SYDE1: variants seen among roughly 807,000 people sequenced by gnomAD.
SYDE1 encodes synapse defective Rho GTPase activating protein 1, also known as rho GTPase-activating protein SYDE1.
SYDE1 carries 34 observed loss-of-function variants against 63.3 expected under a neutral mutation model. The ratio of observed to expected loss-of-function variants is 0.54; its 90% CI spans 0.41 to 0.71. The LOEUF is 0.71. SYDE1 is among the 30% of genes least tolerant of loss of function. The pLI is 0.00. For synonymous variants in SYDE1, 467 were observed against 473.4 expected, an observed-to-expected ratio of 0.99 and a Z score of 0.18; for missense variants, 925 against 1,042.5, an observed-to-expected ratio of 0.89 and a Z score of 1.55.
At position 15,114,870 on chromosome 19, in the gene SYDE1, C is replaced by T; in HGVS notation, c.*907C>T. On this transcript the variant is annotated 3_prime_UTR_variant, in exon 8 of 8. Coordinates refer to ENST00000342784, the MANE Select transcript of SYDE1 (RefSeq NM_033025.6). ...CACCCTGAAATCCCCAATAATGGTG[C>T]CTCAGTGGGCCCCAGAGTTCCAGTG... 3.1e-6 allele frequency: 1 copy of T among 318,876 alleles called. No homozygotes were observed. The highest frequency in any genetic ancestry group is 6.1e-6 in the Non-Finnish European group (1 of 164,642). The allele number at this position is 318,876 out of a possible 1,614,324, so 19.8% of individuals were successfully genotyped here. A position where few individuals can be genotyped will look rare whatever the true frequency, so the allele number is the denominator to read the frequency against.
chr19:15,109,405 C>T lies in SYDE1; in HGVS notation c.430+8C>T, dbSNP rs1442967989. 6.5e-7 allele frequency: 1 copy of T among 1,530,788 alleles called. No homozygotes were observed. Among genetic ancestry groups the T allele is most frequent in the Admixed American group, 2.1e-5 (1 of 46,930 alleles). The allele number at this position is 1,530,788 out of a possible 1,614,324, so 94.8% of individuals were successfully genotyped here. ...AGGGCCTGGCCCCCCAAGGTAAGAACAAGCTTCCCATCCCCTTCCCCAAGG... is the reference window on the plus strand; with the variant it reads ...AGGGCCTGGCCCCCCAAGGTAAGAATAAGCTTCCCATCCCCTTCCCCAAGG... On this transcript the variant is annotated splice_region_variant and intron_variant, in intron 2 of 7. Coordinates refer to ENST00000342784, the MANE Select transcript of SYDE1 (RefSeq NM_033025.6). This position sits in a 1 kb window ranked among gnomAD's most constrained non-coding sequence, Gnocchi z 5.0.
rs761003994 is a variant in SYDE1 at position 15,111,627 on chromosome 19, C to G, written c.1418-5C>G. ...CCCTGACCAGAGGGGACCCTGTGTT[C>G]ACAGGCATCCTCAAGGATTATCTTC... is the stretch of plus-strand genomic sequence containing the variant. On this transcript the variant is annotated splice_region_variant and splice_polypyrimidine_tract_variant and intron_variant, in intron 5 of 7. Coordinates refer to ENST00000342784, the MANE Select transcript of SYDE1 (RefSeq NM_033025.6). This position sits in a 1 kb window ranked among gnomAD's most constrained non-coding sequence, Gnocchi z 5.5. 6 of 1,613,758 alleles carry G rather than the reference C, an allele frequency of 3.7e-6. No individual in the cohort carries two copies. The highest frequency in any genetic ancestry group is 5.1e-6 in the Non-Finnish European group (6 of 1,179,938).
chr19:15,113,263 C>T (rs932083054), intron 7 of SYDE1, among the ~76,000 whole-genome samples: 2 of 152,188 alleles, frequency 1.3e-5, no homozygotes, highest in Admixed American at 6.5e-5. Flanking sequence ...TGGTCTTGAA[C>T]TCCTGACCTC....
Position 15,114,040 on chromosome 19 carries a change from A to G in SYDE1, c.*77A>G. The G allele has an allele frequency of 6.9e-7, 1 of 1,451,248 alleles. No homozygotes were observed. Among genetic ancestry groups the G allele is most frequent in the South Asian group, 1.3e-5 (1 of 76,850 alleles). 89.9% of individuals were successfully genotyped at this position (1,451,248 alleles called of 1,614,324 possible). A position where few individuals can be genotyped will look rare whatever the true frequency, so the allele number is the denominator to read the frequency against. On this transcript the variant is annotated 3_prime_UTR_variant, in exon 8 of 8. Transcript: ENST00000342784. ...TAAGGCGGTGCCCTGGTGACCAAGGAGAGCCAGACCTGTTGCTCAGGCCGA... is the reference window on the plus strand; with the variant it reads ...TAAGGCGGTGCCCTGGTGACCAAGGGGAGCCAGACCTGTTGCTCAGGCCGA...
In SYDE1 at chr19:15,108,997, G is replaced by T; in HGVS notation, c.89-59G>T. 6.9e-7 allele frequency: 1 copy of T among 1,441,364 alleles called. No individual in the cohort carries two copies. The highest frequency in any genetic ancestry group is 1.5e-5 in the South Asian group (1 of 67,910). 89.3% of individuals were successfully genotyped at this position (1,441,364 alleles called of 1,614,324 possible). A position where few individuals can be genotyped will look rare whatever the true frequency, so the allele number is the denominator to read the frequency against. On this transcript the variant is annotated intron_variant, in intron 1 of 7. Transcript: ENST00000342784. This position sits in a 1 kb window ranked among gnomAD's most constrained non-coding sequence, Gnocchi z 4.3. Reference sequence around the variant, plus strand: ...ATCCCACCCACTGATCAATTGCACAGGGCTGCTCTGCAGGCAGTGAGGGGC... The same window carrying T: ...ATCCCACCCACTGATCAATTGCACATGGCTGCTCTGCAGGCAGTGAGGGGC...
chr19:15,113,798 T>C lies in SYDE1; in HGVS notation c.2043T>C (p.Ser681=), dbSNP rs771004641. ...CAGACTACGACCACGTGACGGGCAG[T>C]GACAGCGAGGACGAGGACGAGGAGG... ...SGPDYDHVTG[S]DSEDEDEEVG... Residue 681 remains serine (S), a synonymous_variant, in exon 8 of 8, where the codon AGT becomes AGC. Transcript: ENST00000342784. 3.2e-5 allele frequency: 52 copies of C among 1,613,970 alleles called. No individual in the cohort carries two copies. The highest frequency in any genetic ancestry group is 4.3e-5 in the Non-Finnish European group (51 of 1,180,048).
At position 15,109,060 on chromosome 19, in the gene SYDE1, C is replaced by T. The variant is rs754168160; in HGVS notation, c.93C>T (p.His31=). The T allele has an allele frequency of 1.0e-5, 15 of 1,489,468 alleles. No individual in the cohort carries two copies. The South Asian group carries it at 1.7e-4, about 17-fold the overall frequency. 92.3% of individuals were successfully genotyped at this position (1,489,468 alleles called of 1,614,324 possible). Residue 31 remains histidine (H), a synonymous_variant, in exon 2 of 8, where the codon CAC becomes CAT. Coordinates refer to ENST00000342784, the MANE Select transcript of SYDE1 (RefSeq NM_033025.6). This position sits in a 1 kb window ranked among gnomAD's most constrained non-coding sequence, Gnocchi z 5.0. ...RKKSDAKERG[H]PAQRPEPSPP... ...ACTCCCCTTGCTCTCTGCCAGGCCA[C>T]CCAGCCCAGCGCCCAGAGCCCAGCC...
In SYDE1 at chr19:15,113,915, C is replaced by G; in HGVS notation, c.2160C>G (p.Ile720Met). ...ATCTCAAAGACTTCGACGCCCTCATCCTGGATCTGGAGAGAGAGCTCTCCA... is the reference window on the plus strand; with the variant it reads ...ATCTCAAAGACTTCGACGCCCTCATGCTGGATCTGGAGAGAGAGCTCTCCA... ...HLNLKDFDAL[I>M]LDLERELSKQ... The change falls in exon 8 of 8, where the codon ATC (isoleucine) becomes ATG (methionine). Residue 720 changes from isoleucine to methionine, a missense_variant. Ile to Met is a conservative substitution (Grantham distance 10, BLOSUM62 1). Transcript: ENST00000342784. 1 of 1,614,082 alleles carries G rather than the reference C, an allele frequency of 6.2e-7. No homozygotes were observed. The highest frequency in any genetic ancestry group is 1.1e-5 in the South Asian group (1 of 91,086).
At position 15,110,877 on chromosome 19, in the gene SYDE1, C is replaced by T. The variant is rs1051434165; in HGVS notation, c.1290+142C>T. The T allele has an allele frequency of 3.9e-5, 29 of 743,504 alleles. No homozygotes were observed. The highest frequency in any genetic ancestry group is 3.7e-4 in the African/African-American group (21 of 56,598). 46.1% of individuals were successfully genotyped at this position (743,504 alleles called of 1,614,324 possible). ...TCCCAACCTAGACAAGGGCAGAAGG[C>T]GCCCCCTTGACTGTAGCACCCTGGG... On this transcript the variant is annotated intron_variant, in intron 4 of 7. Coordinates refer to ENST00000342784, the MANE Select transcript of SYDE1 (RefSeq NM_033025.6). The surrounding 1 kb of genome is among the most constrained non-coding windows in gnomAD (Gnocchi z 6.9).
Position 15,109,841 on chromosome 19 carries a change from G to A in SYDE1, c.568G>A (p.Glu190Lys). 1.3e-6 allele frequency: 2 copies of A among 1,532,356 alleles called. No individual in the cohort carries two copies. Among genetic ancestry groups the A allele is most frequent in the Admixed American group, 2.0e-5 (1 of 50,828 alleles). The allele number at this position is 1,532,356 out of a possible 1,614,324, so 94.9% of individuals were successfully genotyped here. ...LSLRGPRAGR[E>K]RERAAPAGSV... ...CCTGCGAGGCCCCCGGGCTGGCAGG[G>A]AGCGCGAGAGGGCTGCCCCTGCGGG... is the stretch of plus-strand genomic sequence containing the variant. The change falls in exon 3 of 8, where the codon GAG (glutamate) becomes AAG (lysine). Residue 190 changes from glutamate (E) to lysine (K), a missense_variant. Around this residue, in one of 3 missense-constraint regions of SYDE1, gnomAD observed 599 missense variants for 653.7 expected, o/e 0.92. Coordinates refer to ENST00000342784, the MANE Select transcript of SYDE1 (RefSeq NM_033025.6). The surrounding 1 kb of genome is among the most constrained non-coding windows in gnomAD (Gnocchi z 5.0).
At chr19:15,112,224 G>T (rs1376060307) in intron 6 of SYDE1, 122 bp from the exon 7 acceptor site, 2 of 654,584 alleles carry the variant, frequency 3.1e-6, no homozygotes, top group Non-Finnish European at 5.3e-6. Flanking sequence ...GTCTTAACCC[G>T]ACCACATCCC....
At position 15,107,403 on chromosome 19, in the gene SYDE1, G is replaced by T. The variant is rs2046313488; in HGVS notation, c.-31G>T. 9.7e-7 allele frequency: 1 copy of T among 1,033,316 alleles called. No individual in the cohort carries two copies. Among genetic ancestry groups the T allele is most frequent in the Non-Finnish European group, 1.2e-6 (1 of 839,178 alleles). 64.0% of individuals were successfully genotyped at this position (1,033,316 alleles called of 1,614,324 possible). A position where few individuals can be genotyped will look rare whatever the true frequency, so the allele number is the denominator to read the frequency against. On this transcript the variant is annotated 5_prime_UTR_variant, in exon 1 of 8. Coordinates refer to ENST00000342784, the MANE Select transcript of SYDE1 (RefSeq NM_033025.6). ...GCGGCGCGGCCGGAGCCCGGGGCGC[G>T]CACTCGGCTCGGCCCGGCCCGGGCC...
chr19:15,109,148 C>A lies in SYDE1; in HGVS notation c.181C>A (p.Pro61Thr). The change falls in exon 2 of 8, where the codon CCC (proline) becomes ACC (threonine). Residue 61 changes from proline (P) to threonine (T), a missense_variant. Physicochemically the swap from Pro to Thr is conservative, Grantham distance 38 (BLOSUM62 -1). This residue lies in a region of SYDE1 where 599 missense variants were observed against 653.7 expected (regional missense o/e 0.92). Transcript: ENST00000342784. The surrounding 1 kb of genome is among the most constrained non-coding windows in gnomAD (Gnocchi z 5.0). Reference sequence around the variant, plus strand: ...GGCCGGAGCAGAGGGGCCCTCCAGCCCCGAGGCATCAAGGAGCCCTGCACG... The same window carrying A: ...GGCCGGAGCAGAGGGGCCCTCCAGCACCGAGGCATCAAGGAGCCCTGCACG... ...SQAGAEGPSS[P>T]EASRSPARGA... 1 of 1,551,742 alleles carries A rather than the reference C, an allele frequency of 6.4e-7. No individual in the cohort carries two copies. The highest frequency in any genetic ancestry group is 1.2e-5 in the South Asian group (1 of 84,110).
rs1281291074 is a variant in SYDE1, at chr19:15,109,761, C to G, written c.488C>G (p.Ala163Gly). 7 of 1,538,230 alleles carry G rather than the reference C, an allele frequency of 4.6e-6. No individual in the cohort carries two copies. The highest frequency in any genetic ancestry group is 6.1e-6 in the Non-Finnish European group (7 of 1,144,318). Residue 163 changes from alanine (A) to glycine (G), a missense_variant, in exon 3 of 8, where the codon GCC (alanine) becomes GGC (glycine). By Grantham distance (60) the Ala-to-Gly change is moderately conservative. Transcript: ENST00000342784. The surrounding 1 kb of genome is among the most constrained non-coding windows in gnomAD (Gnocchi z 5.0). ...KASRTKSPGP[A>G]RRLSIKMKKL... is the part of the protein sequence containing the mutation. Reference sequence around the variant, plus strand: ...TCCCGCACCAAGTCCCCGGGCCCCGCCAGGCGCCTCTCCATAAAGATGAAG... The same window carrying G: ...TCCCGCACCAAGTCCCCGGGCCCCGGCAGGCGCCTCTCCATAAAGATGAAG...
chr19:15,113,452 A>C (rs1405767570), intron 7 of SYDE1, 108 bp from the exon 8 acceptor site: 1 of 1,330,496 alleles, frequency 7.5e-7, no homozygotes, highest in Non-Finnish European at 1.0e-6. Flanking sequence ...GAAAACCTGA[A>C]AGGGTCGAAG....
chr19:15,113,060 A>G (rs1227456474), intron 7 of SYDE1, among the ~76,000 whole-genome samples: 2 of 152,150 alleles, frequency 1.3e-5, no homozygotes, highest in Non-Finnish European at 1.5e-5. Flanking sequence ...ACGCACCACC[A>G]GTCCTGGCTA....
At position 15,113,936 on chromosome 19, in the gene SYDE1, C is replaced by G. The variant is rs2046365142; in HGVS notation, c.2181C>G (p.Leu727=). The G allele has an allele frequency of 1.2e-6, 2 of 1,613,108 alleles. No homozygotes were observed. The highest frequency in any genetic ancestry group is 2.7e-5 in the African/African-American group (2 of 75,044). The stretch of plus-strand genomic sequence containing the variant: ...TCATCCTGGATCTGGAGAGAGAGCT[C>G]TCCAAGCAAATCAACGTGTGCCTCT... The part of the protein sequence containing the change: ...DALILDLERE[L]SKQINVCL The change falls in exon 8 of 8, where the codon CTC becomes CTG. Residue 727 remains leucine, a synonymous_variant. Coordinates refer to ENST00000342784, the MANE Select transcript of SYDE1 (RefSeq NM_033025.6).
Position 15,111,600 on chromosome 19 carries a change from T to C in SYDE1, c.1418-32T>C, listed in dbSNP as rs761942935. On this transcript the variant is annotated intron_variant, in intron 5 of 7. Coordinates refer to ENST00000342784, the MANE Select transcript of SYDE1 (RefSeq NM_033025.6). The surrounding 1 kb of genome is among the most constrained non-coding windows in gnomAD (Gnocchi z 5.5). Reference sequence around the variant, plus strand: ...CCTCCTTAGCCTTAGAAGCCAGTGGTGCCCTGACCAGAGGGGACCCTGTGT... The same window carrying C: ...CCTCCTTAGCCTTAGAAGCCAGTGGCGCCCTGACCAGAGGGGACCCTGTGT... 7.1e-5 allele frequency: 114 copies of C among 1,612,920 alleles called. 2 individuals carry two copies. The Middle Eastern group carries it at 4.5e-3, about 63-fold the overall frequency.
Position 15,110,377 on chromosome 19 carries a change from G to C in SYDE1, c.1075+29G>C. The C allele has an allele frequency of 7.0e-7, 1 of 1,437,488 alleles. No homozygotes were observed. The highest frequency in any genetic ancestry group is 9.1e-7 in the Non-Finnish European group (1 of 1,096,688). 89.0% of individuals were successfully genotyped at this position (1,437,488 alleles called of 1,614,324 possible). A position where few individuals can be genotyped will look rare whatever the true frequency, so the allele number is the denominator to read the frequency against. On this transcript the variant is annotated intron_variant, in intron 3 of 7. Transcript: ENST00000342784. The surrounding 1 kb of genome is among the most constrained non-coding windows in gnomAD (Gnocchi z 6.9). ...GGACATGCGGCTGCAGGGGAGGAGGGGCAGGGACCCCCAAACCCCACCGCC... is the reference window on the plus strand; with the variant it reads ...GGACATGCGGCTGCAGGGGAGGAGGCGCAGGGACCCCCAAACCCCACCGCC...
Sources: allele counts gnomAD v4.1 joint callset (sites outside exome capture counted in the v4.1 genomes callset), GRCh38; gene constraint gnomAD v4.1.1; regional missense constraint gnomAD v4.1.1; non-coding constraint Gnocchi (gnomAD v3.1); transcripts MANE v1.5; gene names NCBI Gene and HGNC (gene_info 2026-07-23, HGNC 2026-07-21).